The following OR2C1 variants were observed in gnomAD, a reference collection of about 807,000 sequenced individuals.
OR2C1 encodes the protein olfactory receptor 2C1.
For missense variants in OR2C1, 468 were observed against 388.3 expected (o/e 1.21, Z -1.73); for synonymous variants, 209 against 167.3 (o/e 1.25, Z -1.92).
At chr16:3,351,475 C>G (rs144944460), upstream of OR2C1, among the ~76,000 whole-genome samples, 2 of 152,108 alleles carry the variant, frequency 1.3e-5, no homozygotes, top group East Asian at 3.9e-4. Context: ...GGAGAATGGT[C>G]TGAGAAAAAA....
chr16:3,346,643 A>T, the OR2C1 span, among the ~76,000 whole-genome samples: 15 of 24,844 alleles, frequency 6.0e-4, no homozygotes, highest in South Asian at 0.011. Flanking sequence ...TTTTTTTTTG[A>T]GATGGAGTCT....
the OR2C1 span, among the ~76,000 whole-genome samples, chr16:3,336,708 C>T: frequency 0.022 from 2,020 of 93,726 alleles, 147 homozygotes; most frequent in African/African-American, 0.085. Context: ...TTCTTTCTTT[C>T]TTTCTTTTTT....
the OR2C1 span, chr16:3,324,015 C>T: frequency 6.7e-6 from 3 of 449,856 alleles, no homozygotes; most frequent in East Asian, 3.5e-5. Context: ...TAAGCATTTG[C>T]CCATGATTTG....
the OR2C1 span, among the ~76,000 whole-genome samples, chr16:3,340,349 A>G: frequency 1.3e-5 from 2 of 152,124 alleles, no homozygotes; most frequent in Non-Finnish European, 2.9e-5. Context: ...AGTCTTTTAT[A>G]TATTCTAGAT....
chr16:3,348,640 C>G, the OR2C1 span, among the ~76,000 whole-genome samples: 12 of 152,156 alleles, frequency 7.9e-5, no homozygotes, highest in African/African-American at 2.9e-4. Context: ...TGGGCAGAAG[C>G]CAGACTGATC....
At position 3,356,708 on chromosome 16, in the gene OR2C1, C is replaced by T. The variant is rs1567286858; in HGVS notation, c.768C>T (p.Ser256=). The T allele has an allele frequency of 6.2e-7, 1 of 1,614,206 alleles. No individual in the cohort carries two copies. Among genetic ancestry groups the T allele is most frequent in the Middle Eastern group, 1.6e-4 (1 of 6,062 alleles). ...TGTTCCTCTTCTATGGCTCAGCCAG[C>T]TATGGGTATCTGCTTCCGGCCAAGA... The part of the protein sequence containing the change: ...LVVFLFYGSA[S]YGYLLPAKNS... The change falls in exon 1 of 1, where the codon AGC becomes AGT. Residue 256 remains serine, a synonymous_variant. Coordinates refer to ENST00000304936, the MANE Select transcript of OR2C1 (RefSeq NM_012368.3).
chr16:3,331,409 AT>A, the OR2C1 span, among the ~76,000 whole-genome samples: 1 of 151,214 alleles, frequency 6.6e-6, no homozygotes, highest in Non-Finnish European at 1.5e-5. Context: ...CCATTTGTCA[AT>A]TTTGGCTTTG....
the OR2C1 span, among the ~76,000 whole-genome samples, chr16:3,342,361 A>G: frequency 6.6e-6 from 1 of 152,228 alleles, no homozygotes; most frequent in Non-Finnish European, 1.5e-5. Flanking sequence ...AACATAGACC[A>G]AATTAGGGGG....
the OR2C1 span, among the ~76,000 whole-genome samples, chr16:3,345,918 C>T: frequency 7.4e-6 from 1 of 135,894 alleles, no homozygotes; most frequent in Non-Finnish European, 1.6e-5. Context: ...ACTGTAGCCT[C>T]GAGCTCCTGG....
chr16:3,346,343 C>T, the OR2C1 span, among the ~76,000 whole-genome samples: 2 of 152,048 alleles, frequency 1.3e-5, no homozygotes, highest in Non-Finnish European at 2.9e-5. Context: ...GAAAAGGTAA[C>T]CAACCTTAAA....
chr16:3,342,394 T>G, the OR2C1 span, among the ~76,000 whole-genome samples: 1 of 152,224 alleles, frequency 6.6e-6, no homozygotes, highest in Non-Finnish European at 1.5e-5. Flanking sequence ...TGTCTGTAAC[T>G]GCCAAAGTTT....
At chr16:3,353,726 G>A (rs551085960), upstream of OR2C1, among the ~76,000 whole-genome samples, 2 of 148,824 alleles carry the variant, frequency 1.3e-5, no homozygotes, top group East Asian at 2.0e-4. Flanking sequence ...GCTTGAACCT[G>A]GGAGGCAGAG....
Position 3,356,148 on chromosome 16 carries a change from G to C in OR2C1, c.208G>C (p.Asp70His), listed in dbSNP as rs771204943. 2 of 1,614,138 alleles carry C rather than the reference G, an allele frequency of 1.2e-6. No homozygotes were observed. The highest frequency in any genetic ancestry group is 2.2e-5 in the South Asian group (2 of 91,076). The change falls in exon 1 of 1, where the codon GAC becomes CAC. Residue 70 changes from aspartate (D) to histidine (H), a missense_variant. Physicochemically the swap from Asp to His is moderately conservative, Grantham distance 81 (BLOSUM62 -1). Coordinates refer to ENST00000304936, the MANE Select transcript of OR2C1 (RefSeq NM_012368.3). ...CTTCCTCAGCAACCTCTCCTCCTTG[G>C]ACCTTGCTTTCGCTACTAGTTCAGT... ...YFFLSNLSSL[D>H]LAFATSSVPQ...
chr16:3,329,171 C>CAT, the OR2C1 span, among the ~76,000 whole-genome samples: 1 of 130,922 alleles, frequency 7.6e-6, no homozygotes, highest in Non-Finnish European at 1.7e-5. Flanking sequence ...GGAGGGAAGA[C>CAT]ACACACACAC....
the OR2C1 span, among the ~76,000 whole-genome samples, chr16:3,337,549 T>A: frequency 2.0e-5 from 3 of 152,146 alleles, no homozygotes; most frequent in African/African-American, 7.2e-5. Flanking sequence ...AAAATTTTAA[T>A]TCGGCAAGTG....
At chr16:3,323,092 T>C in the OR2C1 span, 3 of 523,998 alleles carry the variant, frequency 5.7e-6, no homozygotes, top group South Asian at 4.4e-5. Flanking sequence ...CAGGAAATAG[T>C]CTTTGAAGAT....
the OR2C1 span, among the ~76,000 whole-genome samples, chr16:3,327,561 C>T: frequency 6.6e-6 from 1 of 151,568 alleles, no homozygotes; most frequent in South Asian, 2.1e-4. Flanking sequence ...TATGAGAACA[C>T]CAGGCATCCC....
the OR2C1 span, among the ~76,000 whole-genome samples, chr16:3,340,697 A>T: frequency 2.0e-5 from 3 of 152,088 alleles, no homozygotes; most frequent in Non-Finnish European, 4.4e-5. Flanking sequence ...TATTGAAGAG[A>T]CTATTCTTTC....
chr16:3,338,160 G>A, the OR2C1 span, among the ~76,000 whole-genome samples: 8 of 152,304 alleles, frequency 5.3e-5, no homozygotes, highest in African/African-American at 1.9e-4. Flanking sequence ...CTGCAGCATG[G>A]TGCAGCTAAG....
Sources: gnomAD v4.1 joint callset for allele counts (sites outside exome capture counted in the v4.1 genomes callset) on GRCh38, gnomAD v4.1.1 for gene constraint, MANE v1.5 for transcripts, NCBI Gene and HGNC (gene_info 2026-07-23, HGNC 2026-07-21) for gene names.